The following TMEM207 variants were observed in gnomAD, a reference collection of about 807,000 sequenced individuals.
The protein encoded by TMEM207 is transmembrane protein 207.
Under a neutral mutation model 17.4 loss-of-function variants are expected in TMEM207, and 15 were observed. That is an observed-to-expected ratio of 0.86 (90% CI 0.58 to 1.33). The LOEUF is 1.33. Ranked by LOEUF, TMEM207 falls within the 40% of genes most tolerant of loss-of-function variation. TMEM207 has a pLI of 0.00. For synonymous variants in TMEM207, 70 were observed against 65.6 expected (o/e 1.07, Z -0.33); for missense variants, 205 against 173.8 (o/e 1.18, Z -1.01).
intron 4 of TMEM207, among the ~76,000 whole-genome samples, chr3:190,434,920 G>T (rs2108532914): frequency 6.6e-6 from 1 of 152,310 alleles, no homozygotes; most frequent in African/African-American, 2.4e-5. Flanking sequence ...AAGAAAAAAA[G>T]AAGAATTTAG....
chr3:190,443,018 C>T (rs546679520), intron 2 of TMEM207, among the ~76,000 whole-genome samples: 2 of 152,138 alleles, frequency 1.3e-5, no homozygotes, highest in African/African-American at 4.8e-5. Flanking sequence ...TTGTAATGTA[C>T]ACGAATCACT....
At chr3:190,431,818 C>T (rs561170330) in intron 4 of TMEM207, among the ~76,000 whole-genome samples, 1 of 152,302 alleles carries the variant, frequency 6.6e-6, no homozygotes, top group South Asian at 2.1e-4. Context: ...AGAGTCTTCA[C>T]AGTTGCTTTC....
rs79216051 is a variant in TMEM207 at position 190,447,790 on chromosome 3, A to G, written c.113T>C (p.Met38Thr). The change falls in exon 2 of 5, where the codon ATG becomes ACG. Residue 38 changes from methionine to threonine, a missense_variant and splice_region_variant. Transcript: ENST00000354905. ...LSDLPCEEDE[M>T]CVNYNDQHPN... ...ATGGAGTTTTTCGCTGTTTACTTAC[A>G]TTTCATCTTCTTCGCATGGTAGGTC... 3.1e-6 allele frequency: 5 copies of G among 1,611,684 alleles called. No homozygotes were observed. The highest frequency in any genetic ancestry group is 4.2e-6 in the Non-Finnish European group (5 of 1,179,106).
intron 1 of TMEM207, among the ~76,000 whole-genome samples, chr3:190,448,390 G>T (rs1332962565): frequency 6.6e-6 from 1 of 151,928 alleles, no homozygotes; most frequent in Admixed American, 6.6e-5. Flanking sequence ...TCAGAGAAGA[G>T]AAAAAAAGTA....
intron 4 of TMEM207, among the ~76,000 whole-genome samples, chr3:190,435,539 C>T (rs1719786614): frequency 6.6e-6 from 1 of 152,136 alleles, no homozygotes; most frequent in Non-Finnish European, 1.5e-5. Context: ...GAATATTTTT[C>T]CCTTTCTGAA....
intron 4 of TMEM207, among the ~76,000 whole-genome samples, chr3:190,436,128 G>A (rs1719798602): frequency 6.6e-6 from 1 of 152,168 alleles, no homozygotes; most frequent in Admixed American, 6.5e-5. Context: ...CATGTCAGAA[G>A]AGCCGAGCTA....
rs950744125 is a variant in TMEM207, at chr3:190,434,546, T to A, written c.305-4815A>T. Among the ~76,000 whole-genome samples the A allele has an allele frequency of 3.3e-5, 5 of 152,148 alleles. No individual in the cohort carries two copies. In the East Asian group the frequency reaches 9.6e-4, roughly 29 times the overall value. On this transcript the variant is annotated intron_variant, in intron 4 of 4. Coordinates refer to ENST00000354905, the MANE Select transcript of TMEM207 (RefSeq NM_207316.3). ...TAAACCTATTTATTTTGTAAATCGCTCAGTTTCAGTTATGTCTTTATCAGC... is the reference window on the plus strand; with the variant it reads ...TAAACCTATTTATTTTGTAAATCGCACAGTTTCAGTTATGTCTTTATCAGC...
At chr3:190,432,390 A>G (rs938004522) in intron 4 of TMEM207, among the ~76,000 whole-genome samples, 2 of 152,142 alleles carry the variant, frequency 1.3e-5, no homozygotes, top group Non-Finnish European at 2.9e-5. Context: ...CCTCATTGGT[A>G]GAGTGGTCAG....
At chr3:190,434,417 C>G in intron 4 of TMEM207, among the ~76,000 whole-genome samples, 1 of 152,154 alleles carries the variant, frequency 6.6e-6, no homozygotes, top group East Asian at 1.9e-4. Context: ...ATCTTCCTTA[C>G]TCTCTCTTTG....
chr3:190,449,774 C>T lies in TMEM207; in HGVS notation c.36G>A (p.Ala12=), dbSNP rs114031396. 1.5e-4 allele frequency: 249 copies of T among 1,613,808 alleles called. 1 individual carries two copies. The highest frequency in any genetic ancestry group is 2.5e-4 in the South Asian group (23 of 91,060). ...SRSRLFSVTS[A]ISTIGILCLP... is the part of the protein sequence containing the mutation. Reference sequence around the variant, plus strand: ...AACACAAGATCCCTATCGTTGAGATCGCTGAGGTGACACTGAAAAGTCTGG... The same window carrying T: ...AACACAAGATCCCTATCGTTGAGATTGCTGAGGTGACACTGAAAAGTCTGG... The change falls in exon 1 of 5, where the codon GCG becomes GCA. Residue 12 remains alanine, a synonymous_variant. Coordinates refer to ENST00000354905, the MANE Select transcript of TMEM207 (RefSeq NM_207316.3).
chr3:190,437,621 G>C, intron 4 of TMEM207, among the ~76,000 whole-genome samples: 1 of 151,978 alleles, frequency 6.6e-6, no homozygotes, highest in Non-Finnish European at 1.5e-5. Flanking sequence ...AGGATGTGGA[G>C]AAATAGGAAC....
At chr3:190,443,104 T>A (rs1167407099) in intron 2 of TMEM207, among the ~76,000 whole-genome samples, 1 of 151,902 alleles carries the variant, frequency 6.6e-6, no homozygotes, top group Non-Finnish European at 1.5e-5. Flanking sequence ...AAGAGACAGA[T>A]GTGGGGAAAT....
intron 4 of TMEM207, among the ~76,000 whole-genome samples, chr3:190,439,176 C>CAAAAA (rs772313119): frequency 4.8e-4 from 28 of 58,594 alleles, no homozygotes; most frequent in Admixed American, 8.8e-4. Context: ...GACTCCGTCT[C>CAAAAA]AAAAAAAAAA....
At chr3:190,437,992 G>T (rs528641657) in intron 4 of TMEM207, among the ~76,000 whole-genome samples, 1 of 150,362 alleles carries the variant, frequency 6.7e-6, no homozygotes, top group African/African-American at 2.5e-5. Context: ...GTAAACTATC[G>T]CAAGGACAAA....
chr3:190,432,186 G>C (rs1451047158), intron 4 of TMEM207, among the ~76,000 whole-genome samples: 3 of 152,292 alleles, frequency 2.0e-5, no homozygotes, highest in Admixed American at 6.5e-5. Context: ...TTTATAGCCA[G>C]AGTTGAGATT....
intron 2 of TMEM207, among the ~76,000 whole-genome samples, chr3:190,445,048 G>T (rs993895633): frequency 6.6e-6 from 1 of 152,120 alleles, no homozygotes; most frequent in African/African-American, 2.4e-5. Context: ...TTAAATGTTG[G>T]ATATACAATA....
chr3:190,443,150 T>G lies in TMEM207; in HGVS notation c.114-1668A>C, dbSNP rs1291067572. ...TCCTGACACAATTAAAAAAGCTTTT[T>G]TTTTTTTTTGTTTTGTTTTGTTTTG... On this transcript the variant is annotated intron_variant, in intron 2 of 4. Coordinates refer to ENST00000354905, the MANE Select transcript of TMEM207 (RefSeq NM_207316.3). Among the ~76,000 whole-genome samples, 8 of 130,308 alleles carry G rather than the reference T, an allele frequency of 6.1e-5. No homozygotes were observed. In the East Asian group the frequency reaches 1.0e-3, roughly 17 times the overall value. The allele number at this position is 130,308 out of a possible 152,430, so 85.5% of individuals were successfully genotyped here. A position where few individuals can be genotyped will look rare whatever the true frequency, so the allele number is the denominator to read the frequency against.
chr3:190,442,950 C>G (rs954169697), intron 2 of TMEM207, among the ~76,000 whole-genome samples: 3 of 152,274 alleles, frequency 2.0e-5, no homozygotes, highest in East Asian at 3.9e-4. Context: ...CTGAAGTGCC[C>G]ACTTCTCTTG....
Position 190,429,748 on chromosome 3 carries a change from G to T in TMEM207, c.305-17C>A. 1 of 1,584,822 alleles carries T rather than the reference G, an allele frequency of 6.3e-7. No homozygotes were observed. On this transcript the variant is annotated splice_polypyrimidine_tract_variant and intron_variant, in intron 4 of 4. Coordinates refer to ENST00000354905, the MANE Select transcript of TMEM207 (RefSeq NM_207316.3). ...CTTCTGTCCCTGGAAAGAGAAAGAT[G>T]AAGACTTGTAATCTTTCTAGTGAGC...
Sources: gnomAD v4.1 joint callset for allele counts (sites outside exome capture counted in the v4.1 genomes callset) on GRCh38, gnomAD v4.1.1 for gene constraint, MANE v1.5 for transcripts, NCBI Gene and HGNC (gene_info 2026-07-23, HGNC 2026-07-21) for gene names.